Variants in NUP210L observed in about 807,000 individuals in gnomAD.
NUP210L encodes nucleoporin 210 like, also known as nuclear pore membrane glycoprotein 210-like.
In NUP210L, 74 loss-of-function variants were observed where a neutral mutation model predicts 208.5. The observed-to-expected ratio is 0.35, with a 90% CI of 0.29 to 0.43. NUP210L has a LOEUF of 0.43. Among genes scored for constraint, NUP210L ranks in the 20% least tolerant of loss-of-function variants. NUP210L has a pLI of 1.00. For missense variants in NUP210L, 1,843 were observed against 2,289.4 expected, an observed-to-expected ratio of 0.81 and a Z score of 3.98; for synonymous variants, 780 against 816.9, an observed-to-expected ratio of 0.95 and a Z score of 0.77.
chr1:153,995,024 AAAAAG>A lies in NUP210L; in HGVS notation c.5491+47_5491+51del. The A allele has an allele frequency of 5.4e-5, 67 of 1,249,034 alleles. No individual in the cohort carries two copies. The African/African-American group carries it at 5.9e-4, about 11-fold the overall frequency. 77.4% of individuals were successfully genotyped at this position (1,249,034 alleles called of 1,614,324 possible). ...TAAACTCCATCTCAAAAAAAAAAAAAAAAAGGCAGTTTTCATGTCAAAGTCTATGT... is the reference window on the plus strand; with the variant it reads ...TAAACTCCATCTCAAAAAAAAAAAAAGCAGTTTTCATGTCAAAGTCTATGT... On this transcript the variant is annotated intron_variant, in intron 38 of 39. Coordinates refer to ENST00000368559, the Ensembl canonical transcript of NUP210L.
chr1:154,113,926 C>T (rs1280233751), intron 12 of NUP210L, among the ~76,000 whole-genome samples: 12 of 147,410 alleles, frequency 8.1e-5, no homozygotes, highest in East Asian at 6.0e-4. Context: ...TTTGGGAGGC[C>T]GAGTTCAGAA....
At chr1:154,147,856 C>T (rs1177051747) in intron 2 of NUP210L, among the ~76,000 whole-genome samples, 2 of 149,804 alleles carry the variant, frequency 1.3e-5, no homozygotes, top group Non-Finnish European at 3.0e-5. Flanking sequence ...GGGGTTTCAC[C>T]ATGTTGGCAA....
rs565199466 is a variant in NUP210L, at chr1:154,056,421, AT to A, written c.3240+393del. 9.5e-4 allele frequency among the ~76,000 whole-genome samples: 144 copies of A among 151,438 alleles called. 1 individual carries two copies. The highest frequency in any genetic ancestry group is 3.4e-3 in the Middle Eastern group (1 of 292). On this transcript the variant is annotated intron_variant, in intron 23 of 39. Coordinates refer to ENST00000368559, the Ensembl canonical transcript of NUP210L. ...CACCATCCTTTTTTTCAGTCAAATG[AT>A]TTTTTTTCTTGAGACAGGGTCTCTC...
chr1:153,995,107 T>G lies in NUP210L; in HGVS notation c.5460A>C (p.Ala1820=), dbSNP rs777948030. 1.6e-5 allele frequency: 26 copies of G among 1,613,448 alleles called. No homozygotes were observed. The Admixed American group carries it at 3.7e-4, about 23-fold the overall frequency. ...AGATGGAAGCTGTTGATGCCAGCACTGCAAAGAGGGTCAAGAGCAGGATCT... is the reference window on the plus strand; with the variant it reads ...AGATGGAAGCTGTTGATGCCAGCACGGCAAAGAGGGTCAAGAGCAGGATCT... The change falls in exon 38 of 40, where the codon GCA becomes GCC. Residue 1820 remains alanine, a synonymous_variant. Transcript: ENST00000368559.
chr1:154,100,519 T>C (rs1442881607), intron 13 of NUP210L, among the ~76,000 whole-genome samples: 14 of 140,432 alleles, frequency 1.0e-4, no homozygotes, highest in Non-Finnish European at 2.0e-4. Context: ...GGCTTTGTTT[T>C]TTTTTTTTTT....
chr1:154,046,573 G>A (rs1214141923), intron 25 of NUP210L, among the ~76,000 whole-genome samples: 3 of 152,086 alleles, frequency 2.0e-5, no homozygotes, highest in Admixed American at 6.6e-5. Context: ...AGAAAATGTG[G>A]TACATATGTA....
chr1:154,088,384 T>A (rs987585628), intron 16 of NUP210L, among the ~76,000 whole-genome samples: 3 of 151,666 alleles, frequency 2.0e-5, no homozygotes, highest in African/African-American at 7.3e-5. Context: ...TGATGGAGAA[T>A]CATGTCTGTA....
intron 16 of NUP210L, among the ~76,000 whole-genome samples, chr1:154,077,313 T>C (rs1655088017): frequency 6.6e-6 from 1 of 151,736 alleles, no homozygotes; most frequent in Admixed American, 6.6e-5. Context: ...GAGGCAGAGG[T>C]TGCAATAAGC....
At chr1:154,016,255 T>TA (rs1374499392) in intron 33 of NUP210L, among the ~76,000 whole-genome samples, 100 of 149,994 alleles carry the variant, frequency 6.7e-4, no homozygotes, top group African/African-American at 1.8e-3. Context: ...CACTGTCTCT[T>TA]AAAAGAAAAA....
intron 16 of NUP210L, chr1:154,078,976 CCTTT>C (rs1204500874): frequency 6.6e-6 from 1 of 152,112 alleles, no homozygotes; most frequent in Non-Finnish European, 1.5e-5. Context: ...TGGAGTACTT[CCTTT>C]CTTTCCTTTA....
At chr1:154,024,163 T>G (rs1651722668) in intron 30 of NUP210L, among the ~76,000 whole-genome samples, 1 of 152,202 alleles carries the variant, frequency 6.6e-6, no homozygotes, top group African/African-American at 2.4e-5. Context: ...ATTCATCCAT[T>G]TCATGCAGAG....
Position 154,018,981 on chromosome 1 carries a change from A to T in NUP210L, c.4605T>A (p.Thr1535=), listed in dbSNP as rs745709361. 7.4e-6 allele frequency: 12 copies of T among 1,614,050 alleles called. No individual in the cohort carries two copies. In the East Asian group the frequency reaches 2.5e-4, roughly 33 times the overall value. The change falls in exon 33 of 40, where the codon ACT becomes ACA. Residue 1535 remains threonine, a synonymous_variant. Transcript: ENST00000368559. ...CTGGGATGTCATGAAAAATCATTGC[A>T]GTCCCCGGACTCCTGGCCACTCCTA...
intron 16 of NUP210L, among the ~76,000 whole-genome samples, chr1:154,072,533 C>T (rs776039265): frequency 2.6e-4 from 40 of 151,954 alleles, no homozygotes; most frequent in East Asian, 7.7e-4. Flanking sequence ...GGGGTTTCAC[C>T]GTGTTAGCCA....
chr1:154,060,076 T>A (rs1404554178), intron 20 of NUP210L, among the ~76,000 whole-genome samples: 1 of 152,004 alleles, frequency 6.6e-6, no homozygotes, highest in Non-Finnish European at 1.5e-5. Context: ...CTATCTCTAC[T>A]AAAAATACAA....
At chr1:154,060,467 T>C (rs1654076305) in intron 20 of NUP210L, 73 bp downstream of exon 20, 6 of 900,468 alleles carry the variant, frequency 6.7e-6, no homozygotes, top group Non-Finnish European at 1.0e-5. Flanking sequence ...AGACACAAAA[T>C]GGAATTTTTC....
rs562518304 is a variant in NUP210L at position 154,135,787 on chromosome 1, G to C, written c.1009+27C>G. On this transcript the variant is annotated intron_variant, in intron 7 of 39. Coordinates refer to ENST00000368559, the Ensembl canonical transcript of NUP210L. Reference sequence around the variant, plus strand: ...AGGATGCTCAAGGAAGTGTAGACTGGCAGCTAAAACTTGAACAAAAGGATA... The same window carrying C: ...AGGATGCTCAAGGAAGTGTAGACTGCCAGCTAAAACTTGAACAAAAGGATA... 13 of 1,595,920 alleles carry C rather than the reference G, an allele frequency of 8.1e-6. No individual in the cohort carries two copies. The African/African-American group carries it at 1.2e-4, about 15-fold the overall frequency.
At chr1:154,016,629 A>G (rs751536000) in intron 33 of NUP210L, among the ~76,000 whole-genome samples, 2 of 151,946 alleles carry the variant, frequency 1.3e-5, no homozygotes, top group Non-Finnish European at 2.9e-5. Flanking sequence ...CTTTTCTCCA[A>G]TTCTCCAATC....
chr1:154,109,792 T>A (rs1311069567), intron 12 of NUP210L, among the ~76,000 whole-genome samples: 1 of 151,550 alleles, frequency 6.6e-6, no homozygotes, highest in Non-Finnish European at 1.5e-5. Flanking sequence ...AACTTGCTCC[T>A]GAATGACCAG....
chr1:154,046,994 G>C (rs779459283), intron 25 of NUP210L, among the ~76,000 whole-genome samples: 41 of 152,106 alleles, frequency 2.7e-4, no homozygotes, highest in Admixed American at 5.2e-4. Context: ...GGAGGCGGAG[G>C]TTGCAGTGAG....
Sources: allele counts gnomAD v4.1 joint callset (sites outside exome capture counted in the v4.1 genomes callset), GRCh38; gene constraint gnomAD v4.1.1; transcripts MANE v1.5; gene names NCBI Gene and HGNC (gene_info 2026-07-23, HGNC 2026-07-21).